Variants in KIF26A observed in about 807,000 individuals in gnomAD.
KIF26A encodes the protein kinesin-like protein KIF26A.
KIF26A carries 74 observed loss-of-function variants against 126.0 expected under a neutral mutation model. That is an observed-to-expected ratio of 0.59 (90% CI 0.49 to 0.71). The LOEUF (loss-of-function observed/expected upper bound fraction) is 0.71. Among genes scored for constraint, KIF26A ranks in the 30% least tolerant of loss-of-function variants. The pLI is 0.00. For missense variants in KIF26A, 2,984 were observed against 2,763.3 expected (o/e 1.08, Z -1.79); for synonymous variants, 1,445 against 1,232.7 (o/e 1.17, Z -3.61).
At position 104,179,575 on chromosome 14, in the gene KIF26A, C is replaced by A. The variant is rs551132467; in HGVS notation, c.5468-34C>A. 4.7e-6 allele frequency: 7 copies of A among 1,478,746 alleles called. 1 individual carries two copies. The highest frequency in any genetic ancestry group is 2.4e-4 in the Middle Eastern group (1 of 4,196). 91.6% of individuals were successfully genotyped at this position (1,478,746 alleles called of 1,614,324 possible). On this transcript the variant is annotated intron_variant, in intron 14 of 14. Coordinates refer to ENST00000423312, the MANE Select transcript of KIF26A (RefSeq NM_015656.2). Reference sequence around the variant, plus strand: ...TGGCTGCCCCCAGCCTCGGGCCTGACGCAGGTGCCCCTCCCCTCTCCTCCC... The same window carrying A: ...TGGCTGCCCCCAGCCTCGGGCCTGAAGCAGGTGCCCCTCCCCTCTCCTCCC...
chr14:104,167,711 A>G (rs1241523313), intron 5 of KIF26A, among the ~76,000 whole-genome samples: 1 of 152,014 alleles, frequency 6.6e-6, no homozygotes, highest in African/African-American at 2.4e-5. Context: ...TCGTGGGCCC[A>G]TTGAGTCAGG....
At position 104,165,878 on chromosome 14, in the gene KIF26A, C is replaced by T. The variant is rs191651568; in HGVS notation, c.924-981C>T. ...GTGTGTCTCTGTAGGGTGTGCGTGTCGAGGTCCCCTGGGAGTCCACCCCAG... is the reference window on the plus strand; with the variant it reads ...GTGTGTCTCTGTAGGGTGTGCGTGTTGAGGTCCCCTGGGAGTCCACCCCAG... On this transcript the variant is annotated intron_variant, in intron 4 of 14. Coordinates refer to ENST00000423312, the MANE Select transcript of KIF26A (RefSeq NM_015656.2). Among the ~76,000 whole-genome samples, 58 of 145,520 alleles carry T rather than the reference C, an allele frequency of 4.0e-4. 1 individual carries two copies. Among genetic ancestry groups the T allele is most frequent in the East Asian group, 2.9e-3 (15 of 5,172 alleles).
Position 104,178,726 on chromosome 14 carries a change from C to T in KIF26A, c.5287C>T (p.Arg1763Cys), listed in dbSNP as rs777932131. 9.2e-5 allele frequency: 143 copies of T among 1,549,962 alleles called. 1 individual carries two copies. The highest frequency in any genetic ancestry group is 3.9e-4 in the Admixed American group (20 of 51,900). The change falls in exon 13 of 15, where the codon CGC becomes TGC. Residue 1763 changes from arginine (R) to cysteine (C), a missense_variant. Arg to Cys is a radical substitution (Grantham distance 180). Coordinates refer to ENST00000423312, the MANE Select transcript of KIF26A (RefSeq NM_015656.2). ...TGACGTGGAGCGCCTTCAGCGGCCCCGCCCCACCCCGAGGGAGGCCCCCAC... is the reference window on the plus strand; with the variant it reads ...TGACGTGGAGCGCCTTCAGCGGCCCTGCCCCACCCCGAGGGAGGCCCCCAC... ...IDDVERLQRP[R>C]PTPREAPTQG... is the part of the protein sequence containing the mutation.
Position 104,179,994 on chromosome 14 carries a change from A to C in KIF26A, c.*204A>C. 1 of 489,224 alleles carries C rather than the reference A, an allele frequency of 2.0e-6. No homozygotes were observed. Among genetic ancestry groups the C allele is most frequent in the Non-Finnish European group, 3.5e-6 (1 of 284,234 alleles). The allele number at this position is 489,224 out of a possible 1,614,324, so 30.3% of individuals were successfully genotyped here. A position where few individuals can be genotyped will look rare whatever the true frequency, so the allele number is the denominator to read the frequency against. ...GCGAGGGTGCCAGGGTGACCAGAAG[A>C]CCGTCACCACCCGACAGCAACGCAA... On this transcript the variant is annotated 3_prime_UTR_variant, in exon 15 of 15. Transcript: ENST00000423312.
Position 104,176,590 on chromosome 14 carries a change from C to G in KIF26A, c.3802C>G (p.Pro1268Ala), listed in dbSNP as rs1360391783. 8.1e-6 allele frequency: 13 copies of G among 1,608,410 alleles called. No homozygotes were observed. The highest frequency in any genetic ancestry group is 1.1e-5 in the Non-Finnish European group (13 of 1,179,648). ...GGCCCCCAGCCCCACACTTGGCTCC[C>G]CCCGGCTGCCTGAGGCCCAGGTGAT... ...GRAPSPTLGS[P>A]RLPEAQVMLA... The change falls in exon 12 of 15, where the codon CCC (proline) becomes GCC (alanine). Residue 1268 changes from proline to alanine, a missense_variant. Pro to Ala is a conservative substitution (Grantham distance 27). Coordinates refer to ENST00000423312, the MANE Select transcript of KIF26A (RefSeq NM_015656.2).
intron 2 of KIF26A, among the ~76,000 whole-genome samples, chr14:104,140,620 CG>C (rs1363266679): frequency 6.6e-6 from 1 of 152,044 alleles, no homozygotes; most frequent in Non-Finnish European, 1.5e-5. Flanking sequence ...CTCCTGGTCA[CG>C]GGCAGGCCAG....
intron 4 of KIF26A, among the ~76,000 whole-genome samples, chr14:104,161,257 G>C (rs1328074883): frequency 7.1e-6 from 1 of 141,242 alleles, no homozygotes; most frequent in Non-Finnish European, 1.5e-5. Context: ...GCCTGCCCTG[G>C]TTCCTTGGTG....
intron 5 of KIF26A, among the ~76,000 whole-genome samples, chr14:104,167,482 G>A (rs762803023): frequency 3.3e-5 from 5 of 152,262 alleles, no homozygotes; most frequent in South Asian, 2.1e-4. Context: ...AGCGGGATGC[G>A]TGATGGGTTG....
At chr14:104,173,924 A>G in intron 10 of KIF26A, 56 bp downstream of exon 10, 8 of 1,515,940 alleles carry the variant, frequency 5.3e-6, no homozygotes, top group African/African-American at 2.8e-5. Flanking sequence ...TGACCTGGTA[A>G]ATCCGTGTCT....
intron 2 of KIF26A, among the ~76,000 whole-genome samples, chr14:104,142,980 C>T (rs943689638): frequency 6.6e-6 from 1 of 152,240 alleles, no homozygotes; most frequent in South Asian, 2.1e-4. Flanking sequence ...GGATGGTTCC[C>T]TGCTTCAAGG....
In KIF26A at chr14:104,166,169, A is replaced by G. The variant is rs149570194; in HGVS notation, c.924-690A>G. 1.7e-4 allele frequency among the ~76,000 whole-genome samples: 24 copies of G among 140,080 alleles called. No homozygotes were observed. In the East Asian group the frequency reaches 1.7e-3, roughly 10 times the overall value. The allele number at this position is 140,080 out of a possible 152,430, so 91.9% of individuals were successfully genotyped here. On this transcript the variant is annotated intron_variant, in intron 4 of 14. Transcript: ENST00000423312. ...GGGCACTTCCCAGCAGCCCTGAGTG[A>G]CGAGGGTGGCAGGGGCCCAGGAGCT... is the stretch of plus-strand genomic sequence containing the variant.
At position 104,180,775 on chromosome 14, in the gene KIF26A, A is replaced by C. The variant is rs1231373471; in HGVS notation, c.*985A>C. 6.5e-6 allele frequency: 1 copy of C among 154,332 alleles called. No individual in the cohort carries two copies. The highest frequency in any genetic ancestry group is 2.4e-5 in the African/African-American group (1 of 41,516). 9.6% of individuals were successfully genotyped at this position (154,332 alleles called of 1,614,324 possible). On this transcript the variant is annotated 3_prime_UTR_variant, in exon 15 of 15. Coordinates refer to ENST00000423312, the MANE Select transcript of KIF26A (RefSeq NM_015656.2). ...CTGCCAGCGTTTGCGACGTCCCCGC[A>C]CGACAGGCTCATACTTTCTGAGGAT...
chr14:104,157,376 G>A (rs1475565950), intron 3 of KIF26A, among the ~76,000 whole-genome samples: 2 of 152,174 alleles, frequency 1.3e-5, no homozygotes, highest in Non-Finnish European at 2.9e-5. Context: ...GAGAGGGTGG[G>A]GGGTCTGTGT....
chr14:104,176,839 G>C lies in KIF26A; in HGVS notation c.4051G>C (p.Gly1351Arg), dbSNP rs1162383990. 4 of 1,547,240 alleles carry C rather than the reference G, an allele frequency of 2.6e-6. No homozygotes were observed. Among genetic ancestry groups the C allele is most frequent in the Non-Finnish European group, 3.5e-6 (4 of 1,146,886 alleles). ...CAAGAAGGGTCTGGCTCCCAAGGCG[G>C]GCTTCCTCCCGAGGCCCAGTGGGGC... ...TSKKGLAPKAGFLPRPSGAAP... is the reference protein window; with the variant it reads ...TSKKGLAPKARFLPRPSGAAP... Residue 1351 changes from glycine to arginine, a missense_variant, in exon 12 of 15, where the codon GGC becomes CGC. By Grantham distance (125) the Gly-to-Arg change is moderately radical. Transcript: ENST00000423312.
rs375841914 is a variant in KIF26A at position 104,178,647 on chromosome 14, G to C, written c.5208G>C (p.Pro1736=). 6.4e-7 allele frequency: 1 copy of C among 1,553,728 alleles called. No individual in the cohort carries two copies. The highest frequency in any genetic ancestry group is 2.4e-5 in the East Asian group (1 of 41,170). Residue 1736 remains proline (P), a synonymous_variant, in exon 13 of 15, where the codon CCG becomes CCC. Coordinates refer to ENST00000423312, the MANE Select transcript of KIF26A (RefSeq NM_015656.2). ...CCGGGCAGTGGGTGGACCTGCCCCC[G>C]CCCCTGGCTGGCTCCCTGAAGGAGC... The part of the protein sequence containing the change: ...SLPGQWVDLP[P]PLAGSLKEPF...
chr14:104,167,201 G>A (rs1404734211), intron 5 of KIF26A, among the ~76,000 whole-genome samples, 153 bp downstream of exon 5: 1 of 152,198 alleles, frequency 6.6e-6, no homozygotes, highest in African/African-American at 2.4e-5. Context: ...TGAGGCCCAG[G>A]TGGCAGCAGG....
chr14:104,179,453 C>T, intron 14 of KIF26A, 67 bp downstream of exon 14: 1 of 1,443,980 alleles, frequency 6.9e-7, no homozygotes, highest in Non-Finnish European at 9.1e-7. Flanking sequence ...CCTCCCCTCC[C>T]AGAGCCCTGT....
Position 104,157,327 on chromosome 14 carries a change from CTAAT to C in KIF26A, c.736-425_736-422del, listed in dbSNP as rs1274948491. On this transcript the variant is annotated intron_variant, in intron 3 of 14. Coordinates refer to ENST00000423312, the MANE Select transcript of KIF26A (RefSeq NM_015656.2). ...CCAAATAGTTATCGTGGTTTCTTCTCTAATTACGCCGCTGGGTGCTCCCAGGAGG... is the reference window on the plus strand; with the variant it reads ...CCAAATAGTTATCGTGGTTTCTTCTCTACGCCGCTGGGTGCTCCCAGGAGG... Among the ~76,000 whole-genome samples, 4 of 152,304 alleles carry C rather than the reference CTAAT, an allele frequency of 2.6e-5. No homozygotes were observed. In the East Asian group the frequency reaches 5.8e-4, roughly 22 times the overall value.
rs201138059 is a variant in KIF26A, at chr14:104,175,466, C to T, written c.2678C>T (p.Pro893Leu). 6.5e-5 allele frequency: 103 copies of T among 1,591,488 alleles called. No homozygotes were observed. Among genetic ancestry groups the T allele is most frequent in the Middle Eastern group, 1.6e-4 (1 of 6,070 alleles). Residue 893 changes from proline (P) to leucine (L), a missense_variant, in exon 12 of 15, where the codon CCG becomes CTG. Physicochemically the swap from Pro to Leu is moderately conservative, Grantham distance 98. Transcript: ENST00000423312. The part of the protein sequence containing the change: ...AASPRKAVGT[P>L]MAASTPRGSS... The stretch of plus-strand genomic sequence containing the variant: ...TCCCCCAGGAAGGCCGTGGGCACCC[C>T]GATGGCTGCCAGCACCCCTCGAGGC...
Sources: allele counts gnomAD v4.1 joint callset (sites outside exome capture counted in the v4.1 genomes callset), GRCh38; gene constraint gnomAD v4.1.1; transcripts MANE v1.5; gene names NCBI Gene and HGNC (gene_info 2026-07-23, HGNC 2026-07-21).